The following FPR3 variants were observed in gnomAD, a reference collection of about 807,000 sequenced individuals.
The protein encoded by FPR3 is N-formyl peptide receptor 3.
For missense variants in FPR3, 346 were observed against 443.2 expected (o/e 0.78, Z 1.97); for synonymous variants, 135 against 163.6 (o/e 0.83, Z 1.34).
chr19:51,824,158 G>A lies in FPR3; in HGVS notation c.410G>A (p.Arg137His), dbSNP rs770018978. The part of the protein sequence containing the change: ...VLHPAWAQNH[R>H]TMSLAKRVMT... ...CATCCAGCCTGGGCCCAGAACCATC[G>A]CACCATGAGTCTGGCCAAGAGGGTG... The change falls in exon 2 of 2, where the codon CGC (arginine) becomes CAC (histidine). Residue 137 changes from arginine to histidine, a missense_variant. Coordinates refer to ENST00000339223, the MANE Select transcript of FPR3 (RefSeq NM_002030.5). The surrounding 1 kb of genome is among the most constrained non-coding windows in gnomAD (Gnocchi z 4.7). 5 of 1,613,862 alleles carry A rather than the reference G, an allele frequency of 3.1e-6. No individual in the cohort carries two copies. Among genetic ancestry groups the A allele is most frequent in the Admixed American group, 1.7e-5 (1 of 59,992 alleles).
chr19:51,824,308 C>T lies in FPR3; in HGVS notation c.560C>T (p.Ala187Val), dbSNP rs143850158. ...IFNFAFWGDT[A>V]VERLNVFITM... The stretch of plus-strand genomic sequence containing the variant: ...AACTTTGCATTCTGGGGTGACACTG[C>T]TGTAGAGAGGTTGAACGTGTTCATT... Residue 187 changes from alanine to valine, a missense_variant, in exon 2 of 2, where the codon GCT becomes GTT. Transcript: ENST00000339223. The surrounding 1 kb of genome is among the most constrained non-coding windows in gnomAD (Gnocchi z 4.7). The T allele has an allele frequency of 6.8e-6, 11 of 1,614,024 alleles. No individual in the cohort carries two copies. The African/African-American group carries it at 1.5e-4, about 22-fold the overall frequency.
At chr19:51,799,038 C>A (rs2084015045) in intron 1 of FPR3, among the ~76,000 whole-genome samples, 1 of 150,398 alleles carries the variant, frequency 6.6e-6, no homozygotes, top group East Asian at 2.0e-4. Context: ...ACCCAGGAGG[C>A]GAAGGTTGCA....
intron 1 of FPR3, among the ~76,000 whole-genome samples, chr19:51,807,320 A>G (rs1361594052): frequency 2.6e-5 from 4 of 152,214 alleles, no homozygotes; most frequent in Admixed American, 1.3e-4. Flanking sequence ...CTCTCAATAG[A>G]TAACTTCAAG....
At chr19:51,797,242 T>A (rs2084005122) in intron 1 of FPR3, among the ~76,000 whole-genome samples, 1 of 151,968 alleles carries the variant, frequency 6.6e-6, no homozygotes, top group Non-Finnish European at 1.5e-5. Context: ...AGGACAGAAG[T>A]CAATGTGGAG....
intron 1 of FPR3, among the ~76,000 whole-genome samples, chr19:51,820,733 G>A (rs1462202596): frequency 1.3e-5 from 2 of 152,184 alleles, no homozygotes; most frequent in Non-Finnish European, 2.9e-5. Context: ...CAGTCTGATT[G>A]AGCTCCAACT....
Position 51,823,927 on chromosome 19 carries a change from A to G in FPR3, c.179A>G (p.Asn60Ser). 1 of 1,614,032 alleles carries G rather than the reference A, an allele frequency of 6.2e-7. No individual in the cohort carries two copies. ...VAGFRMTRTV[N>S]TICYLNLALA... ...GGATTCCGGATGACACGCACAGTCAACACCATCTGTTACCTGAACCTGGCC... is the reference window on the plus strand; with the variant it reads ...GGATTCCGGATGACACGCACAGTCAGCACCATCTGTTACCTGAACCTGGCC... The change falls in exon 2 of 2, where the codon AAC (asparagine) becomes AGC (serine). Residue 60 changes from asparagine (N) to serine (S), a missense_variant. Transcript: ENST00000339223.
At chr19:51,808,905 T>C (rs892890676) in intron 1 of FPR3, among the ~76,000 whole-genome samples, 5 of 152,348 alleles carry the variant, frequency 3.3e-5, no homozygotes, top group Middle Eastern at 3.4e-3. Flanking sequence ...TCTCCTGAGA[T>C]AGGGGCCATT....
chr19:51,824,352 C>CTGA lies in FPR3; in HGVS notation c.606_608dup (p.Leu202_Ile203insMet), dbSNP rs2084214933. The CTGA allele has an allele frequency of 6.2e-7, 1 of 1,614,038 alleles. No individual in the cohort carries two copies. The highest frequency in any genetic ancestry group is 8.5e-7 in the Non-Finnish European group (1 of 1,180,024). On this transcript the variant is annotated inframe_insertion, in exon 2 of 2. Coordinates refer to ENST00000339223, the MANE Select transcript of FPR3 (RefSeq NM_002030.5). This position sits in a 1 kb window ranked among gnomAD's most constrained non-coding sequence, Gnocchi z 4.7. ...GTTCATTACCATGGCCAAGGTCTTTCTGATCCTCCACTTCATTATTGGCTT... is the reference window on the plus strand; with the variant it reads ...GTTCATTACCATGGCCAAGGTCTTTCTGATGATCCTCCACTTCATTATTGGCTT...
intron 1 of FPR3, among the ~76,000 whole-genome samples, chr19:51,805,953 G>A (rs781617030): frequency 6.6e-6 from 1 of 152,136 alleles, no homozygotes; most frequent in Non-Finnish European, 1.5e-5. Flanking sequence ...CATCAAAGTC[G>A]AGATATTATG....
At chr19:51,802,123 T>C (rs184761037) in intron 1 of FPR3, among the ~76,000 whole-genome samples, 1 of 152,006 alleles carries the variant, frequency 6.6e-6, no homozygotes, top group East Asian at 1.9e-4. Context: ...ATTTATTATA[T>C]AAAACCGAAT....
chr19:51,800,128 A>G (rs1043023046), intron 1 of FPR3, among the ~76,000 whole-genome samples: 1 of 152,206 alleles, frequency 6.6e-6, no homozygotes, highest in Non-Finnish European at 1.5e-5. Context: ...CTAACCTGTG[A>G]CACGGCAACT....
chr19:51,823,691 G>A, intron 1 of FPR3, 48 bp from the exon 2 acceptor site: 2 of 1,390,034 alleles, frequency 1.4e-6, no homozygotes, highest in African/African-American at 1.4e-5. Flanking sequence ...TAGTTGTATT[G>A]TAAGATGGTG....
intron 1 of FPR3, among the ~76,000 whole-genome samples, chr19:51,821,554 G>T (rs868503903): frequency 6.6e-6 from 1 of 152,118 alleles, no homozygotes; most frequent in Admixed American, 6.5e-5. Context: ...AATGTCCCAT[G>T]AAAGACCTCA....
intron 1 of FPR3, among the ~76,000 whole-genome samples, chr19:51,807,310 C>T (rs2084066404): frequency 6.6e-6 from 1 of 152,174 alleles, no homozygotes; most frequent in South Asian, 2.1e-4. Flanking sequence ...CAATAGATAA[C>T]TCTCAATAGA....
intron 1 of FPR3, among the ~76,000 whole-genome samples, chr19:51,817,308 C>A (rs534542491): frequency 8.6e-5 from 13 of 151,984 alleles, no homozygotes; most frequent in African/African-American, 2.7e-4. Context: ...CAAACAAAAC[C>A]AAAATAGAGT....
intron 1 of FPR3, among the ~76,000 whole-genome samples, chr19:51,818,466 A>C (rs745936574): frequency 1.3e-5 from 2 of 152,252 alleles, no homozygotes; most frequent in African/African-American, 4.8e-5. Flanking sequence ...TGGAGTTTGT[A>C]TATCAGTGCA....
rs1389281600 is a variant in FPR3, at chr19:51,795,226, G to A, written c.-116G>A. ...CATCTTTATAACCAAAGCCAATTAA[G>A]ATCTTAAAACCAAACATATAACTTC... On this transcript the variant is annotated 5_prime_UTR_variant, in exon 1 of 2. Coordinates refer to ENST00000339223, the MANE Select transcript of FPR3 (RefSeq NM_002030.5). 6.6e-6 allele frequency: 1 copy of A among 152,100 alleles called. No homozygotes were observed. Among genetic ancestry groups the A allele is most frequent in the Non-Finnish European group, 1.5e-5 (1 of 68,018 alleles). The allele number at this position is 152,100 out of a possible 1,614,324, so 9.4% of individuals were successfully genotyped here.
chr19:51,811,402 G>C (rs28873836), intron 1 of FPR3: 36,263 of 152,006 alleles, frequency 0.24, 4,635 homozygotes, highest in Middle Eastern at 0.33. Context: ...CCATGTTACC[G>C]TGATTCAGAA....
chr19:51,821,399 G>A (rs1477198605), intron 1 of FPR3, among the ~76,000 whole-genome samples: 2 of 152,176 alleles, frequency 1.3e-5, no homozygotes, highest in Admixed American at 1.3e-4. Context: ...CTCCTGAAGG[G>A]GGAGTTGCTA....
Sources: allele counts gnomAD v4.1 joint callset (sites outside exome capture counted in the v4.1 genomes callset), GRCh38; gene constraint gnomAD v4.1.1; non-coding constraint Gnocchi (gnomAD v3.1); transcripts MANE v1.5; gene names NCBI Gene and HGNC (gene_info 2026-07-23, HGNC 2026-07-21).